Variants in CDC42BPB observed in about 807,000 individuals in gnomAD.
CDC42BPB encodes serine/threonine-protein kinase MRCK beta.
In CDC42BPB, 37 loss-of-function variants were observed where a neutral mutation model predicts 214.9. That is an observed-to-expected ratio of 0.17 (90% CI 0.13 to 0.23). The LOEUF (loss-of-function observed/expected upper bound fraction) is 0.23, where lower values mean the gene tolerates loss of function less well. Ranked by LOEUF, CDC42BPB falls within the 10% of genes least tolerant of loss-of-function variation. The probability of loss-of-function intolerance (pLI) is 1.00; values close to 1 mark genes in which losing one functional copy is unlikely to be tolerated. For missense variants in CDC42BPB, 1,694 were observed against 2,227.0 expected (o/e 0.76, Z 4.82); for synonymous variants, 931 against 884.0 (o/e 1.05, Z -0.94).
chr14:103,045,577 C>A (rs1045453016), intron 1 of CDC42BPB, among the ~76,000 whole-genome samples: 9 of 152,204 alleles, frequency 5.9e-5, no homozygotes, highest in Non-Finnish European at 1.2e-4. Flanking sequence ...ATTCTCATAA[C>A]CCCCTTCTCC....
chr14:102,943,937 C>T lies in CDC42BPB; in HGVS notation c.4362G>A (p.Arg1454=), dbSNP rs1477704483. The part of the protein sequence containing the change: ...MGLYVDPQGR[R]ARAQELMWPA... The stretch of plus-strand genomic sequence containing the variant: ...GCCACATGAGCTCCTGCGCGCGTGC[C>T]CTCCGGCCTTGCGGGTCCACGTACA... Residue 1454 remains arginine, a synonymous_variant, in exon 30 of 37, where the codon AGG becomes AGA. Coordinates refer to ENST00000361246, the MANE Select transcript of CDC42BPB (RefSeq NM_006035.4). This position sits in a 1 kb window ranked among gnomAD's most constrained non-coding sequence, Gnocchi z 4.6. 4 of 1,612,584 alleles carry T rather than the reference C, an allele frequency of 2.5e-6. No individual in the cohort carries two copies. The African/African-American group carries it at 4.0e-5, about 16-fold the overall frequency.
At chr14:103,041,176 AAAG>A (rs1238466013) in intron 1 of CDC42BPB, among the ~76,000 whole-genome samples, 2 of 152,210 alleles carry the variant, frequency 1.3e-5, no homozygotes, top group African/African-American at 4.8e-5. Flanking sequence ...TCAACGGGGG[AAAG>A]AATATAGTCT....
intron 11 of CDC42BPB, among the ~76,000 whole-genome samples, chr14:102,974,712 C>G (rs1051090961): frequency 6.6e-6 from 1 of 152,216 alleles, no homozygotes; most frequent in Non-Finnish European, 1.5e-5. Context: ...AATCCCAGCA[C>G]TTCGGGAGGC....
chr14:103,021,309 T>A (rs9743807), intron 1 of CDC42BPB, among the ~76,000 whole-genome samples: 10 of 151,932 alleles, frequency 6.6e-5, no homozygotes, highest in East Asian at 1.9e-4. Flanking sequence ...AAATATTTTT[T>A]AAAAAAATTA....
chr14:102,989,692 G>C (rs960566560), intron 5 of CDC42BPB, among the ~76,000 whole-genome samples: 1 of 152,094 alleles, frequency 6.6e-6, no homozygotes, highest in Non-Finnish European at 1.5e-5. Flanking sequence ...CACCAACATG[G>C]AGTACCCTGT....
intron 5 of CDC42BPB, among the ~76,000 whole-genome samples, chr14:102,992,714 C>G (rs75051938): frequency 0.034 from 5,158 of 150,644 alleles, 299 homozygotes; most frequent in Admixed American, 0.14. Flanking sequence ...AGAAAAAAAT[C>G]AAAAGGAAAA....
intron 1 of CDC42BPB, among the ~76,000 whole-genome samples, chr14:103,021,679 CAAA>C (rs35207138): frequency 4.6e-4 from 61 of 133,312 alleles, no homozygotes; most frequent in Non-Finnish European, 3.9e-4. Context: ...GACCTAGTCT[CAAA>C]AAAAAAAAAA....
chr14:103,011,017 G>A (rs1460449541), intron 2 of CDC42BPB, among the ~76,000 whole-genome samples: 2 of 152,052 alleles, frequency 1.3e-5, no homozygotes, highest in South Asian at 4.1e-4. Context: ...GTGACACAGC[G>A]AGACTCCATC....
At chr14:102,968,737 A>G (rs545873259) in intron 14 of CDC42BPB, 21 bp from the exon 15 acceptor site, 1 of 1,611,820 alleles carries the variant, frequency 6.2e-7, no homozygotes, top group African/African-American at 1.3e-5. Flanking sequence ...AGGTTAACAT[A>G]AATTGACAAA....
At chr14:102,949,935 C>T in intron 25 of CDC42BPB, 31 bp from the exon 26 acceptor site, 1 of 1,610,180 alleles carries the variant, frequency 6.2e-7, no homozygotes, top group Non-Finnish European at 8.5e-7. Context: ...TGGCCACGTT[C>T]CACCAGGCCA....
In CDC42BPB at chr14:102,968,576, C is replaced by A. The variant is rs781472191; in HGVS notation, c.2136G>T (p.Val712=). The A allele has an allele frequency of 1.7e-5, 28 of 1,614,072 alleles. No individual in the cohort carries two copies. Among genetic ancestry groups the A allele is most frequent in the Non-Finnish European group, 2.3e-5 (27 of 1,180,050 alleles). ...CATGCACCTCCTTCTTCACATTTTTCACTTCTAGCACATGGGAGGCCTCAC... is the reference window on the plus strand; with the variant it reads ...CATGCACCTCCTTCTTCACATTTTTAACTTCTAGCACATGGGAGGCCTCAC... ...VRREASHVLE[V]KNVKKEVHDS... Residue 712 remains valine, a synonymous_variant, in exon 15 of 37, where the codon GTG becomes GTT. Coordinates refer to ENST00000361246, the MANE Select transcript of CDC42BPB (RefSeq NM_006035.4).
chr14:103,046,491 GA>G (rs1888291417), intron 1 of CDC42BPB, among the ~76,000 whole-genome samples: 1 of 152,128 alleles, frequency 6.6e-6, no homozygotes, highest in African/African-American at 2.4e-5. Flanking sequence ...GAAAACAGGT[GA>G]AAAAGAACGC....
chr14:102,974,899 T>C (rs1216960670), intron 11 of CDC42BPB, among the ~76,000 whole-genome samples: 5 of 151,958 alleles, frequency 3.3e-5, no homozygotes. Flanking sequence ...TGAGCCGAGA[T>C]CATGCCACTG....
chr14:103,043,355 T>A (rs1042936453), intron 1 of CDC42BPB, among the ~76,000 whole-genome samples: 1 of 152,090 alleles, frequency 6.6e-6, no homozygotes, highest in Non-Finnish European at 1.5e-5. Context: ...TATTTGGCCA[T>A]AAAAAGGGAT....
At chr14:102,938,207 G>GA in intron 35 of CDC42BPB, 33 bp from the exon 36 acceptor site, 1 of 1,609,878 alleles carries the variant, frequency 6.2e-7, no homozygotes. Flanking sequence ...CTCTTAGGGA[G>GA]AAAGTCAAGA....
chr14:102,958,331 T>A (rs1892801420), intron 21 of CDC42BPB, among the ~76,000 whole-genome samples: 2 of 152,030 alleles, frequency 1.3e-5, no homozygotes, highest in Admixed American at 1.3e-4. Flanking sequence ...AGGAAGAAAG[T>A]CTCTTATGTT....
intron 1 of CDC42BPB, among the ~76,000 whole-genome samples, chr14:103,053,089 C>T (rs1475816333): frequency 1.3e-5 from 2 of 152,200 alleles, no homozygotes; most frequent in Admixed American, 1.3e-4. Flanking sequence ...GTGGCTCACG[C>T]CTGTAATCCC....
intron 1 of CDC42BPB, 24 bp from the exon 2 acceptor site, chr14:103,012,212 A>T (rs1886195420): frequency 6.3e-7 from 1 of 1,585,092 alleles, no homozygotes; most frequent in East Asian, 2.2e-5. Flanking sequence ...AGTAAAACCA[A>T]CAATTTAGTC....
chr14:103,051,154 C>CGGGGGGGGGGGGGGGGGGGG (rs1179516926), intron 1 of CDC42BPB, among the ~76,000 whole-genome samples: 5 of 6,834 alleles, frequency 7.3e-4, no homozygotes, highest in African/African-American at 2.3e-3. Flanking sequence ...GTATTTGGGG[C>CGGGGGGGGGGGGGGGGGGGG]GGGGGGGCGG....
Sources: allele counts gnomAD v4.1 joint callset (sites outside exome capture counted in the v4.1 genomes callset), GRCh38; gene constraint gnomAD v4.1.1; non-coding constraint Gnocchi (gnomAD v3.1); transcripts MANE v1.5; gene names NCBI Gene and HGNC (gene_info 2026-07-23, HGNC 2026-07-21).